Variants in FLI1 observed in about 807,000 individuals in gnomAD.
The protein encoded by FLI1 is Friend leukemia integration 1 transcription factor.
FLI1 carries 13 observed loss-of-function variants against 53.1 expected under a neutral mutation model. The observed-to-expected ratio is 0.24, with a 90% CI of 0.16 to 0.39. FLI1 has a LOEUF of 0.39. Among genes scored for constraint, FLI1 ranks in the 10% least tolerant of loss-of-function variants. The probability of loss-of-function intolerance (pLI) is 1.00; values close to 1 mark genes in which losing one functional copy is unlikely to be tolerated. For synonymous variants in FLI1, 244 were observed against 236.7 expected (o/e 1.03, Z -0.28); for missense variants, 424 against 600.5 (o/e 0.71, Z 3.07).
At chr11:128,721,163 C>G (rs372812252) in intron 1 of FLI1, among the ~76,000 whole-genome samples, 2 of 152,088 alleles carry the variant, frequency 1.3e-5, no homozygotes, top group Admixed American at 6.5e-5. Flanking sequence ...TGGAGCTCAC[C>G]CCTGTAGGAT....
intron 8 of FLI1, among the ~76,000 whole-genome samples, chr11:128,809,909 G>T (rs1399434485): frequency 1.3e-5 from 2 of 152,112 alleles, no homozygotes. Flanking sequence ...GTTCTCTGTA[G>T]AACTTAGAGC....
At chr11:128,726,987 G>A (rs1339658747) in intron 1 of FLI1, among the ~76,000 whole-genome samples, 1 of 152,216 alleles carries the variant, frequency 6.6e-6, no homozygotes, top group East Asian at 1.9e-4. Flanking sequence ...TCTTTGGGAA[G>A]GGCAATACTG....
chr11:128,727,418 G>A (rs960380702), intron 1 of FLI1, among the ~76,000 whole-genome samples: 25 of 152,388 alleles, frequency 1.6e-4, no homozygotes, highest in Admixed American at 1.1e-3. Flanking sequence ...AAGAGGAAGA[G>A]TGTAAGGAGT....
chr11:128,742,507 C>A (rs1422521722), intron 1 of FLI1, among the ~76,000 whole-genome samples: 1 of 152,222 alleles, frequency 6.6e-6, no homozygotes, highest in Non-Finnish European at 1.5e-5. Flanking sequence ...GTGTCCACAG[C>A]CTGTGCTCTC....
At chr11:128,702,865 G>GAAA (rs10677310) in intron 1 of FLI1, among the ~76,000 whole-genome samples, 3,554 of 134,700 alleles carry the variant, frequency 0.026, 112 homozygotes, top group African/African-American at 0.075. Flanking sequence ...CTGTCTCAAA[G>GAAA]AAAAAAAAAA....
At chr11:128,691,191 C>T (rs1466995102), upstream of FLI1, among the ~76,000 whole-genome samples, 1 of 152,186 alleles carries the variant, frequency 6.6e-6, no homozygotes, top group Non-Finnish European at 1.5e-5. Flanking sequence ...ATGTGAGCTG[C>T]CAGGATCAAA....
rs528366772 is a variant in FLI1 at position 128,807,386 on chromosome 11, C to T, written c.781+147C>T. 6.7e-5 allele frequency: 32 copies of T among 479,858 alleles called. 1 individual carries two copies. The highest frequency in any genetic ancestry group is 5.8e-4 in the African/African-American group (29 of 49,890). 29.7% of individuals were successfully genotyped at this position (479,858 alleles called of 1,614,324 possible). ...GGGTCTATCTTTGACCCTAATAGTC[C>T]TGTGAATGAAGTAACAGGTACTGAC... On this transcript the variant is annotated intron_variant, in intron 7 of 8. Coordinates refer to ENST00000527786, the MANE Select transcript of FLI1 (RefSeq NM_002017.5).
chr11:128,734,563 G>A (rs529262284), intron 1 of FLI1, among the ~76,000 whole-genome samples: 5 of 152,288 alleles, frequency 3.3e-5, no homozygotes, highest in African/African-American at 9.6e-5. Flanking sequence ...TGTGACCCGC[G>A]CTGCCTGCAC....
intron 3 of FLI1, among the ~76,000 whole-genome samples, chr11:128,771,404 T>C (rs1014435282): frequency 2.6e-5 from 4 of 152,134 alleles, no homozygotes; most frequent in Non-Finnish European, 5.9e-5. Flanking sequence ...TTCTCACACA[T>C]AAAAACCAAG....
chr11:128,784,905 TC>T (rs1303934556), intron 5 of FLI1, among the ~76,000 whole-genome samples: 3 of 152,154 alleles, frequency 2.0e-5, no homozygotes, highest in Non-Finnish European at 4.4e-5. Context: ...ACTGGTGCAG[TC>T]CACAAAGGGC....
chr11:128,786,052 T>C (rs971558975), intron 5 of FLI1, among the ~76,000 whole-genome samples: 9 of 152,214 alleles, frequency 5.9e-5, no homozygotes, highest in African/African-American at 1.9e-4. Flanking sequence ...AAAAAAATAC[T>C]GATGCCCAAG....
chr11:128,704,872 A>G (rs2135708584), intron 1 of FLI1, among the ~76,000 whole-genome samples: 1 of 152,376 alleles, frequency 6.6e-6, no homozygotes, highest in African/African-American at 2.4e-5. Flanking sequence ...TCATAGTTAT[A>G]AAGAGAATAA....
intron 1 of FLI1, among the ~76,000 whole-genome samples, chr11:128,739,799 AGACT>A (rs376590639): frequency 1.7e-4 from 26 of 152,332 alleles, no homozygotes; most frequent in Middle Eastern, 3.4e-3. Context: ...TCGACAAGAC[AGACT>A]GTTTGGTTCA....
chr11:128,743,099 G>A (rs975785241), intron 1 of FLI1, among the ~76,000 whole-genome samples: 1 of 152,080 alleles, frequency 6.6e-6, no homozygotes, highest in Non-Finnish European at 1.5e-5. Context: ...TGCGAGAACT[G>A]GGAGCCATCT....
chr11:128,692,465 C>T (rs1334196033), upstream of FLI1, among the ~76,000 whole-genome samples: 3 of 136,916 alleles, frequency 2.2e-5, no homozygotes, highest in Admixed American at 7.1e-5. Context: ...ACACGCACAC[C>T]AAGTCTCAAT....
chr11:128,773,104 G>A, intron 4 of FLI1, 119 bp downstream of exon 4: 2 of 923,324 alleles, frequency 2.2e-6, no homozygotes, highest in South Asian at 1.5e-5. Context: ...GCATCGTGGG[G>A]CCTGTAGTGT....
intron 1 of FLI1, among the ~76,000 whole-genome samples, chr11:128,710,683 T>C (rs80121584): frequency 0.011 from 1,700 of 152,348 alleles, 29 homozygotes; most frequent in African/African-American, 0.039. Flanking sequence ...TATTTGTCTA[T>C]CTTTGTGATG....
chr11:128,719,645 C>G (rs182914598), intron 1 of FLI1, among the ~76,000 whole-genome samples: 9 of 152,260 alleles, frequency 5.9e-5, no homozygotes, highest in Admixed American at 2.6e-4. Flanking sequence ...TACATTCATC[C>G]CGTCTACTCA....
chr11:128,787,807 A>AT (rs35352545), intron 5 of FLI1, among the ~76,000 whole-genome samples: 122,234 of 137,368 alleles, frequency 0.89, 54,641 homozygotes, highest in Middle Eastern at 0.95. Context: ...GCTAATTACA[A>AT]TTTTTTTTTT....
Sources: gnomAD v4.1 joint callset for allele counts (sites outside exome capture counted in the v4.1 genomes callset) on GRCh38, gnomAD v4.1.1 for gene constraint, MANE v1.5 for transcripts, NCBI Gene and HGNC (gene_info 2026-07-23, HGNC 2026-07-21) for gene names.